Variants in THBS4 observed in about 807,000 individuals in gnomAD.
THBS4 encodes the protein thrombospondin 4.
THBS4 carries 90 observed loss-of-function variants against 115.7 expected under a neutral mutation model. That is an observed-to-expected ratio of 0.78 (90% CI 0.66 to 0.93). The LOEUF (loss-of-function observed/expected upper bound fraction) is 0.93. Among genes scored for constraint, THBS4 ranks in the 40% least tolerant of loss-of-function variants. The probability of loss-of-function intolerance (pLI) is 0.00; values close to 1 mark genes in which losing one functional copy is unlikely to be tolerated. For synonymous variants in THBS4, 460 were observed against 479.3 expected, an observed-to-expected ratio of 0.96 and a Z score of 0.53; for missense variants, 1,087 against 1,232.7, an observed-to-expected ratio of 0.88 and a Z score of 1.77.
chr5:80,063,228 T>A (rs1833701181), intron 8 of THBS4, among the ~76,000 whole-genome samples: 1 of 152,244 alleles, frequency 6.6e-6, no homozygotes, highest in East Asian at 1.9e-4. Flanking sequence ...ATCGCCATTC[T>A]AACTGGTGTG....
At chr5:80,081,662 T>G (rs1743512708) in intron 20 of THBS4, among the ~76,000 whole-genome samples, 1 of 152,204 alleles carries the variant, frequency 6.6e-6, no homozygotes, top group Non-Finnish European at 1.5e-5. Flanking sequence ...TTTTCTCAAT[T>G]TACCCTGGAA....
intron 13 of THBS4, 49 bp from the exon 14 acceptor site, chr5:80,072,229 A>T: frequency 6.8e-7 from 1 of 1,461,630 alleles, no homozygotes; most frequent in Non-Finnish European, 9.2e-7. Context: ...AGCACCTAGA[A>T]GAAGTCAGTG....
intron 8 of THBS4, among the ~76,000 whole-genome samples, chr5:80,063,908 A>G (rs948859095): frequency 3.3e-5 from 5 of 152,252 alleles, no homozygotes; most frequent in Non-Finnish European, 5.9e-5. Flanking sequence ...TCAAAGCCAG[A>G]ACTGTGACTA....
chr5:79,996,089 A>G (rs1272620226), intron 1 of THBS4, among the ~76,000 whole-genome samples: 1 of 152,124 alleles, frequency 6.6e-6, no homozygotes, highest in Non-Finnish European at 1.5e-5. Context: ...GTGAGCTAAG[A>G]TCGTACCACT....
chr5:80,045,066 A>G (rs1022043576), intron 2 of THBS4, among the ~76,000 whole-genome samples: 10 of 152,238 alleles, frequency 6.6e-5, no homozygotes, highest in Admixed American at 6.5e-4. Context: ...TGGTTGCAAG[A>G]ACTGAATTAT....
intron 2 of THBS4, among the ~76,000 whole-genome samples, chr5:80,029,838 T>C (rs1055024996): frequency 6.7e-6 from 1 of 150,024 alleles, no homozygotes; most frequent in South Asian, 2.1e-4. Context: ...GGCATGGTGG[T>C]GGGCACCTTT....
upstream of THBS4, among the ~76,000 whole-genome samples, chr5:80,032,817 G>T (rs1832610917): frequency 6.6e-6 from 1 of 152,126 alleles, no homozygotes; most frequent in Non-Finnish European, 1.5e-5. Context: ...GCCTTTCCCA[G>T]TCCACTGACT....
intron 2 of THBS4, among the ~76,000 whole-genome samples, chr5:80,051,150 G>A (rs1230052564): frequency 1.3e-5 from 2 of 152,202 alleles, no homozygotes; most frequent in African/African-American, 2.4e-5. Flanking sequence ...AGGGAACCCT[G>A]TCTGTTCTCT....
At chr5:80,022,483 G>A (rs559028778) in intron 2 of THBS4, among the ~76,000 whole-genome samples, 1 of 152,066 alleles carries the variant, frequency 6.6e-6, no homozygotes, top group South Asian at 2.1e-4. Flanking sequence ...CCACAAGCAA[G>A]TTTTGAAAAA....
At chr5:80,059,284 C>A (rs949050845) in intron 5 of THBS4, among the ~76,000 whole-genome samples, 156 bp from the exon 6 acceptor site, 1 of 148,514 alleles carries the variant, frequency 6.7e-6, no homozygotes, top group African/African-American at 2.5e-5. Flanking sequence ...GAGCTGAGAT[C>A]GTGCCACTGC....
intron 17 of THBS4, 26 bp downstream of exon 17, chr5:80,078,253 C>CT: frequency 6.5e-7 from 1 of 1,540,634 alleles, no homozygotes; most frequent in Non-Finnish European, 8.8e-7. Context: ...GCGGCAATGG[C>CT]TCAGCCTTGC....
intron 2 of THBS4, among the ~76,000 whole-genome samples, chr5:80,005,523 T>C (rs1386297650): frequency 2.6e-5 from 4 of 151,994 alleles, no homozygotes; most frequent in Non-Finnish European, 4.4e-5. Context: ...GTAAAAAGAG[T>C]GTGCACGGAG....
rs770592462 is a variant in THBS4 at position 80,082,552 on chromosome 5, T to C, written c.2824+7T>C. Reference sequence around the variant, plus strand: ...CTCAAGTATCGCTGCAATGGTAATGTGCATTCTCGTTACTGTTCAACATTG... The same window carrying C: ...CTCAAGTATCGCTGCAATGGTAATGCGCATTCTCGTTACTGTTCAACATTG... On this transcript the variant is annotated splice_region_variant and intron_variant, in intron 21 of 21. Transcript: ENST00000350881. 6.2e-6 allele frequency: 10 copies of C among 1,613,992 alleles called. No homozygotes were observed. Among genetic ancestry groups the C allele is most frequent in the South Asian group, 1.1e-5 (1 of 91,074 alleles).
intron 5 of THBS4, 47 bp downstream of exon 5, chr5:80,058,837 C>A: frequency 6.4e-7 from 1 of 1,557,108 alleles, no homozygotes; most frequent in Non-Finnish European, 8.8e-7. Flanking sequence ...CTTCTTAGAG[C>A]AGCTCCCCAC....
intron 15 of THBS4, 21 bp from the exon 16 acceptor site, chr5:80,076,834 C>T: frequency 6.5e-7 from 1 of 1,536,748 alleles, no homozygotes; most frequent in Non-Finnish European, 8.8e-7. Flanking sequence ...TGAGCCACAT[C>T]ACCTGTCCTT....
chr5:79,997,056 G>A (rs549120024), intron 1 of THBS4, among the ~76,000 whole-genome samples: 18 of 145,144 alleles, frequency 1.2e-4, no homozygotes, highest in Admixed American at 7.6e-4. Flanking sequence ...TTAAGTCCAA[G>A]TAACCCACAA....
At chr5:80,007,273 G>A (rs1011000709) in intron 2 of THBS4, among the ~76,000 whole-genome samples, 1 of 152,132 alleles carries the variant, frequency 6.6e-6, no homozygotes, top group African/African-American at 2.4e-5. Flanking sequence ...ATATACAATA[G>A]CATGGTTAAA....
chr5:80,019,846 C>A, intron 2 of THBS4: 1 of 164,696 alleles, frequency 6.1e-6, no homozygotes, highest in Non-Finnish European at 1.4e-5. Context: ...ACTTCACTGT[C>A]TCTCTCACTG....
chr5:80,039,444 A>G (rs17886031), intron 1 of THBS4, among the ~76,000 whole-genome samples: 5,550 of 152,354 alleles, frequency 0.036, 143 homozygotes, highest in Non-Finnish European at 0.052. Flanking sequence ...GTCAAGAGAC[A>G]GAAACCACAT....
Sources: allele counts gnomAD v4.1 joint callset (sites outside exome capture counted in the v4.1 genomes callset), GRCh38; gene constraint gnomAD v4.1.1; transcripts MANE v1.5; gene names NCBI Gene and HGNC (gene_info 2026-07-23, HGNC 2026-07-21).